The following SARDH variants were observed in gnomAD, a reference collection of about 807,000 sequenced individuals.
SARDH encodes sarcosine dehydrogenase, mitochondrial.
A neutral mutation model predicts 109.1 loss-of-function variants in SARDH; 95 were observed. That is an observed-to-expected ratio of 0.87 (90% CI 0.74 to 1.03). The LOEUF (loss-of-function observed/expected upper bound fraction) is 1.03. SARDH is among the 50% of genes least tolerant of loss of function. The pLI is 0.00. For missense variants in SARDH, 1,267 were observed against 1,287.8 expected (o/e 0.98, Z 0.25); for synonymous variants, 572 against 534.8 (o/e 1.07, Z -0.96).
intron 14 of SARDH, among the ~76,000 whole-genome samples, 165 bp from the exon 15 acceptor site, chr9:133,694,536 C>T (rs1173123693): frequency 6.6e-6 from 1 of 152,206 alleles, no homozygotes; most frequent in Non-Finnish European, 1.5e-5. Context: ...CTCCTCAGCC[C>T]AGGGATGCCA....
At chr9:133,734,250 GGGGCT>G in intron 1 of SARDH, 47 bp from the exon 2 acceptor site, 2 of 1,336,028 alleles carry the variant, frequency 1.5e-6, no homozygotes, top group Non-Finnish European at 9.9e-7. Flanking sequence ...GGACACGCTG[GGGGCT>G]GTGCTGAGTA....
At chr9:133,690,817 T>C (rs1831064532) in intron 15 of SARDH, among the ~76,000 whole-genome samples, 1 of 152,154 alleles carries the variant, frequency 6.6e-6, no homozygotes, top group Non-Finnish European at 1.5e-5. Flanking sequence ...GGACGGTGTC[T>C]TGGGAACACA....
At position 133,731,378 on chromosome 9, in the gene SARDH, G is replaced by C. The variant is rs1332737703; in HGVS notation, c.617C>G (p.Pro206Arg). Residue 206 changes from proline (P) to arginine (R), a missense_variant, in exon 4 of 21, where the codon CCG (proline) becomes CGG (arginine). By Grantham distance (103) the Pro-to-Arg change is moderately radical. Coordinates refer to ENST00000439388, the MANE Select transcript of SARDH (RefSeq NM_001134707.2). ...VDDLYGTLYV[P>R]HDGTMDPAGT... ...AGCGGGGTCCATGGTACCGTCGTGC[G>C]GCACATACAGGGTCCCGTAGAGGTC... 6 of 1,614,176 alleles carry C rather than the reference G, an allele frequency of 3.7e-6. No homozygotes were observed. Among genetic ancestry groups the C allele is most frequent in the Non-Finnish European group, 5.1e-6 (6 of 1,180,022 alleles).
chr9:133,695,903 G>A, intron 14 of SARDH, among the ~76,000 whole-genome samples: 1 of 152,192 alleles, frequency 6.6e-6, no homozygotes, highest in South Asian at 2.1e-4. Context: ...TGAGAGCATG[G>A]GGGGGACTGG....
intron 1 of SARDH, among the ~76,000 whole-genome samples, chr9:133,734,428 CTCATTCATTCACTCATTCAT>C (rs1832810881): frequency 2.1e-5 from 3 of 143,024 alleles, no homozygotes; most frequent in East Asian, 2.1e-4. Flanking sequence ...CATTCATTCA[CTCATTCATTCACTCATTCAT>C]TCATTCATTC....
chr9:133,674,089 T>C (rs1248983472), intron 17 of SARDH, among the ~76,000 whole-genome samples: 1 of 152,204 alleles, frequency 6.6e-6, no homozygotes. Flanking sequence ...CCTCTCTAAG[T>C]TCACGGAATC....
At position 133,663,879 on chromosome 9, in the gene SARDH, G is replaced by C; in HGVS notation, c.*10C>G. The C allele has an allele frequency of 6.2e-7, 1 of 1,613,990 alleles. No homozygotes were observed. The highest frequency in any genetic ancestry group is 8.5e-7 in the Non-Finnish European group (1 of 1,179,918). On this transcript the variant is annotated 3_prime_UTR_variant, in exon 21 of 21. Transcript: ENST00000439388. ...TGGACAGCATGGGATGGGGCATGTG[G>C]TCTGAGCCCTCAGTAGATTCCCTTC...
At chr9:133,730,303 C>G (rs1411390634) in intron 4 of SARDH, 116 bp from the exon 5 acceptor site, 21 of 1,369,982 alleles carry the variant, frequency 1.5e-5, no homozygotes, top group Non-Finnish European at 2.1e-5. Flanking sequence ...TTTCTGCCAG[C>G]AGCAGGTCCC....
chr9:133,667,189 C>A, intron 19 of SARDH: 6 of 463,634 alleles, frequency 1.3e-5, no homozygotes, highest in Admixed American at 4.0e-5. Flanking sequence ...TGTTGTTCAA[C>A]TCTGGTTTTT....
chr9:133,707,576 G>A (rs1831737420), intron 11 of SARDH, among the ~76,000 whole-genome samples: 1 of 152,168 alleles, frequency 6.6e-6, no homozygotes, highest in Non-Finnish European at 1.5e-5. Context: ...TGCTCCCTGA[G>A]CCTCCCTCTT....
chr9:133,706,830 G>T (rs1831712036), intron 11 of SARDH, among the ~76,000 whole-genome samples: 1 of 152,108 alleles, frequency 6.6e-6, no homozygotes. Context: ...GCCCGCTGAG[G>T]GTCTGTCCCA....
At chr9:133,670,145 A>G (rs976780730) in intron 19 of SARDH, among the ~76,000 whole-genome samples, 3 of 152,144 alleles carry the variant, frequency 2.0e-5, no homozygotes, top group Non-Finnish European at 2.9e-5. Flanking sequence ...CCTGGCCAAC[A>G]TGGTGAAACC....
rs1206993774 is a variant in SARDH at position 133,729,752 on chromosome 9, G to T, written c.915+13C>A. The T allele has an allele frequency of 6.2e-7, 1 of 1,608,178 alleles. No individual in the cohort carries two copies. Among genetic ancestry groups the T allele is most frequent in the Non-Finnish European group, 8.5e-7 (1 of 1,176,950 alleles). The stretch of plus-strand genomic sequence containing the variant: ...CCCACAGACTGACACAGAACCCGGG[G>T]CTGTCCACCTACCTGAATCCCCTCG... On this transcript the variant is annotated intron_variant, in intron 6 of 20. Transcript: ENST00000439388.
chr9:133,664,378 G>C (rs1446359660), intron 20 of SARDH, among the ~76,000 whole-genome samples: 1 of 152,234 alleles, frequency 6.6e-6, no homozygotes, highest in Non-Finnish European at 1.5e-5. Flanking sequence ...CGCCGAGGCT[G>C]GGGGCCAATC....
chr9:133,660,588 T>C (rs1832400388), downstream of SARDH, among the ~76,000 whole-genome samples: 1 of 152,224 alleles, frequency 6.6e-6, no homozygotes, highest in African/African-American at 2.4e-5. Flanking sequence ...CAGGTTGCTA[T>C]TCCTGCCCCT....
At chr9:133,679,096 G>A (rs1300914051) in intron 17 of SARDH, among the ~76,000 whole-genome samples, 5 of 152,110 alleles carry the variant, frequency 3.3e-5, no homozygotes, top group African/African-American at 4.8e-5. Context: ...AAACACCCTC[G>A]CTCCAACTTC....
At chr9:133,694,887 T>A (rs1181203005) in intron 14 of SARDH, among the ~76,000 whole-genome samples, 1 of 151,878 alleles carries the variant, frequency 6.6e-6, no homozygotes, top group Non-Finnish European at 1.5e-5. Flanking sequence ...GAAACAGGGA[T>A]GTGTGGGCTG....
At chr9:133,663,050 G>A (rs1188306432), downstream of SARDH, among the ~76,000 whole-genome samples, 1 of 152,220 alleles carries the variant, frequency 6.6e-6, no homozygotes. Flanking sequence ...GCCAGACAAG[G>A]AGGAGGGCAT....
rs1252954445 is a variant in SARDH at position 133,686,572 on chromosome 9, C to T, written c.2070-1286G>A. On this transcript the variant is annotated intron_variant, in intron 16 of 20. Coordinates refer to ENST00000439388, the MANE Select transcript of SARDH (RefSeq NM_001134707.2). This position sits in a 1 kb window ranked among gnomAD's most constrained non-coding sequence, Gnocchi z 4.0. ...CTCCGTGCCAACAGCATCCCCCTATCCCAATGTGCCTGGCACAGAGCAGGC... is the reference window on the plus strand; with the variant it reads ...CTCCGTGCCAACAGCATCCCCCTATTCCAATGTGCCTGGCACAGAGCAGGC... Among the ~76,000 whole-genome samples, 2 of 152,010 alleles carry T rather than the reference C, an allele frequency of 1.3e-5. No individual in the cohort carries two copies. The highest frequency in any genetic ancestry group is 4.8e-5 in the African/African-American group (2 of 41,370).
Sources: allele counts gnomAD v4.1 joint callset (sites outside exome capture counted in the v4.1 genomes callset), GRCh38; gene constraint gnomAD v4.1.1; non-coding constraint Gnocchi (gnomAD v3.1); transcripts MANE v1.5; gene names NCBI Gene and HGNC (gene_info 2026-07-23, HGNC 2026-07-21).